NCOA7: variants seen among roughly 807,000 people sequenced by gnomAD.
NCOA7 encodes the protein nuclear receptor coactivator 7, also known as 140 kDa estrogen receptor-associated protein.
Under a neutral mutation model 104.3 loss-of-function variants are expected in NCOA7, and 45 were observed. That is an observed-to-expected ratio of 0.43 (90% CI 0.34 to 0.55). NCOA7 has a LOEUF of 0.55. NCOA7 is among the 20% of genes least tolerant of loss of function. The pLI, the probability that NCOA7 is intolerant of heterozygous loss-of-function variation, is 0.02. For missense variants in NCOA7, 1,041 were observed against 1,119.7 expected, an observed-to-expected ratio of 0.93 and a Z score of 1.00; for synonymous variants, 398 against 402.3, an observed-to-expected ratio of 0.99 and a Z score of 0.13.
intron 1 of NCOA7, chr6:125,802,340 C>T (rs1479484793): frequency 6.6e-6 from 1 of 152,176 alleles, no homozygotes; most frequent in East Asian, 1.9e-4. Context: ...TTTAGCTACT[C>T]CTGGCTGGGT....
At chr6:125,882,683 A>C in intron 7 of NCOA7, 132 bp downstream of exon 7, 1 of 1,102,270 alleles carries the variant, frequency 9.1e-7, no homozygotes, top group Non-Finnish European at 1.3e-6. Context: ...ACAAGCATCC[A>C]TTAGTTTTCT....
intron 2 of NCOA7, among the ~76,000 whole-genome samples, chr6:125,837,174 A>G (rs1779685721): frequency 6.6e-6 from 1 of 152,150 alleles, no homozygotes; most frequent in Non-Finnish European, 1.5e-5. Flanking sequence ...GTTTATATCA[A>G]TTTATGAAAT....
At chr6:125,815,252 CTT>C in intron 1 of NCOA7, 37 bp from the exon 2 acceptor site, 1 of 791,558 alleles carries the variant, frequency 1.3e-6, no homozygotes, top group Non-Finnish European at 2.0e-6. Flanking sequence ...CCAGTGTAAA[CTT>C]TTAAGTTTAC....
At chr6:125,782,880 A>G (rs185817322) in intron 1 of NCOA7, among the ~76,000 whole-genome samples, 239 of 152,286 alleles carry the variant, frequency 1.6e-3, no homozygotes, top group African/African-American at 5.4e-3. Flanking sequence ...TGTGATTAAG[A>G]TTTTGAGATG....
intron 2 of NCOA7, among the ~76,000 whole-genome samples, chr6:125,821,445 A>G (rs1778172281): frequency 6.6e-6 from 1 of 152,116 alleles, no homozygotes; most frequent in Non-Finnish European, 1.5e-5. Flanking sequence ...AACGGGGCTT[A>G]TAGAACACAG....
intron 7 of NCOA7, 91 bp from the exon 8 acceptor site, chr6:125,885,068 G>T: frequency 7.6e-7 from 1 of 1,317,266 alleles, no homozygotes; most frequent in South Asian, 1.3e-5. Flanking sequence ...CAAAGTCCAT[G>T]GAGTGGCCAT....
intron 1 of NCOA7, among the ~76,000 whole-genome samples, chr6:125,805,087 CTTTTTTTTTTTTTTT>C (rs59737297): frequency 5.2e-5 from 3 of 58,050 alleles, no homozygotes; most frequent in Admixed American, 2.2e-4. Context: ...CCCTCTTGTT[CTTTTTTTTTTTTTTT>C]TTTTTTTTTT....
chr6:125,904,032 CT>C (rs1785744977), intron 10 of NCOA7, among the ~76,000 whole-genome samples: 3 of 152,122 alleles, frequency 2.0e-5, no homozygotes, highest in Admixed American at 1.3e-4. Flanking sequence ...AAAATATGTT[CT>C]TCTGCATACC....
intron 1 of NCOA7, among the ~76,000 whole-genome samples, chr6:125,799,525 C>T (rs985587562): frequency 6.6e-6 from 1 of 151,710 alleles, no homozygotes; most frequent in Non-Finnish European, 1.5e-5. Context: ...CTGCAACCTC[C>T]GCCTCCTGGG....
At chr6:125,782,814 C>T (rs1268793474) in intron 1 of NCOA7, among the ~76,000 whole-genome samples, 1 of 152,188 alleles carries the variant, frequency 6.6e-6, no homozygotes, top group Non-Finnish European at 1.5e-5. Flanking sequence ...TGTCACTGTC[C>T]TAATCCCCAG....
chr6:125,834,320 AAG>A (rs1322673820), intron 2 of NCOA7, among the ~76,000 whole-genome samples: 1 of 152,224 alleles, frequency 6.6e-6, no homozygotes, highest in Non-Finnish European at 1.5e-5. Flanking sequence ...TTGTAGGTAA[AAG>A]AAAATTCTTT....
chr6:125,819,294 G>C (rs1404392641), intron 2 of NCOA7, among the ~76,000 whole-genome samples: 1 of 151,730 alleles, frequency 6.6e-6, no homozygotes, highest in Non-Finnish European at 1.5e-5. Context: ...TAATAATTTT[G>C]GATTGAAATT....
intron 10 of NCOA7, among the ~76,000 whole-genome samples, chr6:125,898,690 C>A (rs1231656890): frequency 1.3e-5 from 2 of 152,124 alleles, no homozygotes; most frequent in Non-Finnish European, 2.9e-5. Flanking sequence ...CATGTCTAAA[C>A]CCCTTCTGTA....
intron 3 of NCOA7, 134 bp downstream of exon 3, chr6:125,855,374 C>T (rs1781467216): frequency 1.5e-6 from 1 of 651,548 alleles, no homozygotes; most frequent in Non-Finnish European, 2.6e-6. Context: ...CTGGCCCTTG[C>T]TTTACATACA....
chr6:125,792,336 A>T lies in NCOA7; in HGVS notation c.-65+1269A>T, dbSNP rs1774934035. 2.6e-5 allele frequency among the ~76,000 whole-genome samples: 4 copies of T among 152,242 alleles called. No individual in the cohort carries two copies. In the South Asian group the frequency reaches 8.3e-4, roughly 31 times the overall value. On this transcript the variant is annotated intron_variant, in intron 1 of 15. Coordinates refer to ENST00000392477, the MANE Select transcript of NCOA7 (RefSeq NM_181782.5). Reference sequence around the variant, plus strand: ...CTTTCTGTAATATGTCATCAAGGTTATGAGGTAATTCTCCCCAACTCTTAA... The same window carrying T: ...CTTTCTGTAATATGTCATCAAGGTTTTGAGGTAATTCTCCCCAACTCTTAA...
intron 13 of NCOA7, 29 bp downstream of exon 13, chr6:125,922,863 T>C: frequency 6.2e-7 from 1 of 1,600,378 alleles, no homozygotes; most frequent in Non-Finnish European, 8.5e-7. Flanking sequence ...ATAAAGAATA[T>C]TTTTTAATAA....
intron 2 of NCOA7, among the ~76,000 whole-genome samples, chr6:125,816,923 T>C (rs1266874890): frequency 1.3e-5 from 2 of 152,228 alleles, no homozygotes; most frequent in Admixed American, 6.5e-5. Context: ...TTTGTATCCC[T>C]ACTCACTCCT....
chr6:125,800,221 G>T (rs1413314639), intron 1 of NCOA7, among the ~76,000 whole-genome samples: 1 of 152,156 alleles, frequency 6.6e-6, no homozygotes, highest in Non-Finnish European at 1.5e-5. Flanking sequence ...GAATTTTATA[G>T]ATCTTGCATT....
rs1333447719 is a variant in NCOA7, at chr6:125,931,071, T to C, written c.*2300T>C. On this transcript the variant is annotated 3_prime_UTR_variant, in exon 16 of 16. Coordinates refer to ENST00000392477, the MANE Select transcript of NCOA7 (RefSeq NM_181782.5). ...ATATTGACTATATGTAATGCAGTGC[T>C]ATCCCAATATTTTCAATAAAGGACT... 3 of 152,688 alleles carry C rather than the reference T, an allele frequency of 2.0e-5. No homozygotes were observed. Among genetic ancestry groups the C allele is most frequent in the East Asian group, 3.8e-4 (2 of 5,204 alleles). 9.5% of individuals were successfully genotyped at this position (152,688 alleles called of 1,614,324 possible).
Sources: gnomAD v4.1 joint callset for allele counts (sites outside exome capture counted in the v4.1 genomes callset) on GRCh38, gnomAD v4.1.1 for gene constraint, MANE v1.5 for transcripts, NCBI Gene and HGNC (gene_info 2026-07-23, HGNC 2026-07-21) for gene names.